CNTNAP2: variants seen among roughly 807,000 people sequenced by gnomAD.
The protein encoded by CNTNAP2 is contactin associated protein 2, also known as contactin-associated protein-like 2.
A neutral mutation model predicts 155.2 loss-of-function variants in CNTNAP2; 98 were observed. That is an observed-to-expected ratio of 0.63 (90% CI 0.54 to 0.75). CNTNAP2 has a LOEUF of 0.75. Ranked by LOEUF, CNTNAP2 falls within the 30% of genes least tolerant of loss-of-function variation. CNTNAP2 has a pLI of 0.00. For synonymous variants in CNTNAP2, 651 were observed against 631.2 expected, an observed-to-expected ratio of 1.03 and a Z score of -0.47; for missense variants, 1,727 against 1,688.1, an observed-to-expected ratio of 1.02 and a Z score of -0.40.
At chr7:146,899,335 G>A (rs1020069408) in intron 3 of CNTNAP2, among the ~76,000 whole-genome samples, 2 of 151,994 alleles carry the variant, frequency 1.3e-5, no homozygotes, top group African/African-American at 4.8e-5. Context: ...CTTTTCTTCG[G>A]GGTCCTGAAA....
intron 3 of CNTNAP2, among the ~76,000 whole-genome samples, chr7:146,863,287 G>T (rs1211027506): frequency 6.6e-6 from 1 of 152,010 alleles, no homozygotes; most frequent in Non-Finnish European, 1.5e-5. Context: ...GTTTTAAAAA[G>T]GAGCTTTATT....
At chr7:147,691,671 C>T (rs1210320396) in intron 13 of CNTNAP2, among the ~76,000 whole-genome samples, 1 of 152,108 alleles carries the variant, frequency 6.6e-6, no homozygotes, top group Non-Finnish European at 1.5e-5. Flanking sequence ...TATTTACTTG[C>T]AAATGTATAT....
chr7:147,169,876 A>G lies in CNTNAP2; in HGVS notation c.1348+37367A>G, dbSNP rs143225340. Among the ~76,000 whole-genome samples, 337 of 152,274 alleles carry G rather than the reference A, an allele frequency of 2.2e-3. 8 individuals are homozygous for G. The highest frequency in any genetic ancestry group is 7.2e-3 in the African/African-American group (299 of 41,548). On this transcript the variant is annotated intron_variant, in intron 8 of 23. Coordinates refer to ENST00000361727, the MANE Select transcript of CNTNAP2 (RefSeq NM_014141.6). ...CTTGGTTTCCTTGAATTGAATTTCA[A>G]CGTTTCCCTGGATCTTGATGTGCTT...
At chr7:148,298,522 T>A (rs1350234039) in intron 21 of CNTNAP2, among the ~76,000 whole-genome samples, 1 of 152,088 alleles carries the variant, frequency 6.6e-6, no homozygotes, top group African/African-American at 2.4e-5. Context: ...CCCACCCAGA[T>A]TGAGGGTGGG....
chr7:147,530,443 G>A (rs1437671959), intron 11 of CNTNAP2, among the ~76,000 whole-genome samples: 1 of 152,130 alleles, frequency 6.6e-6, no homozygotes, highest in Non-Finnish European at 1.5e-5. Context: ...CTCCCAAAGT[G>A]CTGGGATTAC....
At chr7:147,253,081 C>G (rs1175785112) in intron 8 of CNTNAP2, among the ~76,000 whole-genome samples, 2 of 152,160 alleles carry the variant, frequency 1.3e-5, no homozygotes, top group Non-Finnish European at 2.9e-5. Flanking sequence ...TTCAGAGAGC[C>G]TCAGTGGGAG....
intron 1 of CNTNAP2, among the ~76,000 whole-genome samples, chr7:146,255,938 C>T (rs1799830030): frequency 6.6e-6 from 1 of 152,140 alleles, no homozygotes; most frequent in African/African-American, 2.4e-5. Flanking sequence ...ATGTCTTCCT[C>T]CCTTCTAAAT....
intron 4 of CNTNAP2, chr7:147,097,414 G>A (rs892282330): frequency 2.0e-5 from 3 of 152,378 alleles, no homozygotes; most frequent in African/African-American, 7.2e-5. Flanking sequence ...ACAAAAGAAA[G>A]AGGTTTAATG....
At chr7:146,767,620 T>C (rs1314810534) in intron 1 of CNTNAP2, among the ~76,000 whole-genome samples, 1 of 152,156 alleles carries the variant, frequency 6.6e-6, no homozygotes, top group South Asian at 2.1e-4. Context: ...AAGCAATGTA[T>C]GAACCATAAA....
At chr7:147,510,850 C>CACATATATATATATATAT (rs1554400056) in intron 11 of CNTNAP2, among the ~76,000 whole-genome samples, 1 of 76,436 alleles carries the variant, frequency 1.3e-5, no homozygotes, top group South Asian at 5.6e-4. Flanking sequence ...GGCCTACAAC[C>CACATATATATATATATAT]ATATATATAT....
At chr7:146,342,273 A>C (rs1001903682) in intron 1 of CNTNAP2, among the ~76,000 whole-genome samples, 2 of 152,140 alleles carry the variant, frequency 1.3e-5, no homozygotes, top group African/African-American at 4.8e-5. Flanking sequence ...GGTGAATCTA[A>C]TATGTTTTAC....
chr7:147,225,798 GGAAA>G (rs1477901570), intron 8 of CNTNAP2, among the ~76,000 whole-genome samples: 101 of 71,204 alleles, frequency 1.4e-3, no homozygotes, highest in Middle Eastern at 0.011. Context: ...AAGGAAGGAA[GGAAA>G]GAAAGAAAGA....
intron 8 of CNTNAP2, among the ~76,000 whole-genome samples, chr7:147,174,908 A>C (rs916072642): frequency 6.6e-6 from 1 of 152,154 alleles, no homozygotes; most frequent in African/African-American, 2.4e-5. Flanking sequence ...ACTATAAGAG[A>C]CAATAATAAT....
At chr7:147,207,142 T>C (rs1024355918) in intron 8 of CNTNAP2, among the ~76,000 whole-genome samples, 5 of 152,194 alleles carry the variant, frequency 3.3e-5, no homozygotes, top group African/African-American at 1.2e-4. Flanking sequence ...GAAAAACTGT[T>C]GTCAGGAACT....
intron 2 of CNTNAP2, among the ~76,000 whole-genome samples, chr7:146,821,023 C>T (rs1422926202): frequency 6.6e-6 from 1 of 152,092 alleles, no homozygotes; most frequent in Non-Finnish European, 1.5e-5. Context: ...CTTGGTAGAT[C>T]TTCCTCCATC....
At chr7:148,120,943 A>G (rs543092270) in intron 16 of CNTNAP2, among the ~76,000 whole-genome samples, 1 of 152,298 alleles carries the variant, frequency 6.6e-6, no homozygotes, top group African/African-American at 2.4e-5. Flanking sequence ...AAAGCAAACC[A>G]AAAGTGGTGC....
At chr7:146,886,787 T>C (rs1382403763) in intron 3 of CNTNAP2, among the ~76,000 whole-genome samples, 1 of 150,468 alleles carries the variant, frequency 6.6e-6, no homozygotes, top group Non-Finnish European at 1.5e-5. Context: ...TAGCCTCCTA[T>C]GTCATGAGTG....
intron 3 of CNTNAP2, among the ~76,000 whole-genome samples, chr7:146,968,676 T>C (rs1431343187): frequency 6.6e-6 from 1 of 152,022 alleles, no homozygotes; most frequent in Non-Finnish European, 1.5e-5. Flanking sequence ...TCATTTTTTA[T>C]TGTGTCTATT....
chr7:146,626,218 G>GT (rs1198151643), intron 1 of CNTNAP2, among the ~76,000 whole-genome samples: 1 of 152,088 alleles, frequency 6.6e-6, no homozygotes, highest in Admixed American at 6.6e-5. Context: ...AAAATGTTCA[G>GT]TTATATATTA....
Sources: allele counts gnomAD v4.1 joint callset (sites outside exome capture counted in the v4.1 genomes callset), GRCh38; gene constraint gnomAD v4.1.1; transcripts MANE v1.5; gene names NCBI Gene and HGNC (gene_info 2026-07-23, HGNC 2026-07-21).